Variants in ZNF638 observed in about 807,000 individuals in gnomAD.
The protein encoded by ZNF638 is CTCL tumor antigen se33-1.
Under a neutral mutation model 195.6 loss-of-function variants are expected in ZNF638, and 46 were observed. That is an observed-to-expected ratio of 0.24 (90% CI 0.19 to 0.30). The LOEUF is 0.30. ZNF638 is among the 10% of genes least tolerant of loss of function. ZNF638 has a pLI of 1.00. For synonymous variants in ZNF638, 845 were observed against 772.0 expected (o/e 1.09, Z -1.57); for missense variants, 2,440 against 2,325.3 (o/e 1.05, Z -1.01).
At chr2:71,393,681 C>T (rs750521005) in intron 10 of ZNF638, 14 of 710,318 alleles carry the variant, frequency 2.0e-5, no homozygotes, top group Non-Finnish European at 3.4e-5. Flanking sequence ...TTTTTATGCT[C>T]TCGCTTCCCC....
In ZNF638 at chr2:71,365,705, A is replaced by G; in HGVS notation, c.1994A>G (p.Lys665Arg). Residue 665 changes from lysine to arginine, a missense_variant and splice_region_variant, in exon 6 of 28, where the codon AAG (lysine) becomes AGG (arginine). Physicochemically the swap from Lys to Arg is conservative, Grantham distance 26 (BLOSUM62 2). This residue lies in a region of ZNF638 where 1,883 missense variants were observed against 1,739.1 expected (regional missense o/e 1.08). Transcript: ENST00000264447. ...VSDKAVSLQR[K>R]LRKEQSLHYG... is the part of the protein sequence containing the mutation. ...GATAAAGCTGTTTCTCTCCAGCGAA[A>G]GGTAATTCTTTAATTAATAATTATT... 6.2e-7 allele frequency: 1 copy of G among 1,602,552 alleles called. No individual in the cohort carries two copies. Among genetic ancestry groups the G allele is most frequent in the Non-Finnish European group, 8.5e-7 (1 of 1,175,692 alleles).
chr2:71,350,456 G>T (rs921563459), intron 2 of ZNF638, among the ~76,000 whole-genome samples, 185 bp downstream of exon 2: 5 of 152,204 alleles, frequency 3.3e-5, no homozygotes, highest in Admixed American at 6.5e-5. Context: ...TGAATTTTAG[G>T]CTTACTGTAT....
At chr2:71,433,110 C>A in intron 26 of ZNF638, 55 bp from the exon 27 acceptor site, 1 of 1,291,402 alleles carries the variant, frequency 7.7e-7, no homozygotes, top group Non-Finnish European at 1.1e-6. Flanking sequence ...AATCGATGAA[C>A]ACAACTGGAG....
At chr2:71,359,933 A>G (rs1268213200) in intron 3 of ZNF638, among the ~76,000 whole-genome samples, 1 of 152,188 alleles carries the variant, frequency 6.6e-6, no homozygotes, top group African/African-American at 2.4e-5. Flanking sequence ...ATAGGTAATT[A>G]TGCTGTGTTT....
chr2:71,405,547 A>G, intron 17 of ZNF638, 54 bp from the exon 18 acceptor site: 1 of 1,105,294 alleles, frequency 9.0e-7, no homozygotes, highest in South Asian at 1.4e-5. Context: ...CTAAGTAAGT[A>G]TTTGTATGAG....
Position 71,368,749 on chromosome 2 carries a change from T to C in ZNF638, c.2142+221T>C, listed in dbSNP as rs569139396. On this transcript the variant is annotated intron_variant, in intron 7 of 27. Transcript: ENST00000264447. ...TTCTGTAAAGGGCCAGCTAAATATT[T>C]TTGGTTTTATAAGCCATCTGTAGGA... is the stretch of plus-strand genomic sequence containing the variant. 2.5e-3 allele frequency among the ~76,000 whole-genome samples: 387 copies of C among 152,348 alleles called. 8 individuals carry two copies. Among genetic ancestry groups the C allele is most frequent in the East Asian group, 3.5e-3 (18 of 5,190 alleles).
At chr2:71,408,290 C>A in intron 20 of ZNF638, 43 bp downstream of exon 20, 1 of 1,594,818 alleles carries the variant, frequency 6.3e-7, no homozygotes, top group Non-Finnish European at 8.5e-7. Flanking sequence ...TTAGAAAATA[C>A]AGAGAACATA....
At chr2:71,424,304 A>G (rs2080490559) in intron 22 of ZNF638, among the ~76,000 whole-genome samples, 1 of 151,804 alleles carries the variant, frequency 6.6e-6, no homozygotes, top group Non-Finnish European at 1.5e-5. Context: ...AAAAAAAAAA[A>G]AAAAGTCTGC....
At chr2:71,364,794 T>A (rs2079166927) in intron 5 of ZNF638, among the ~76,000 whole-genome samples, 1 of 152,234 alleles carries the variant, frequency 6.6e-6, no homozygotes, top group Non-Finnish European at 1.5e-5. Flanking sequence ...ATACCTTTAA[T>A]TATATAAGGC....
Position 71,380,573 on chromosome 2 carries a change from G to T in ZNF638, c.2377+8G>T. 2 of 1,599,278 alleles carry T rather than the reference G, an allele frequency of 1.3e-6. No individual in the cohort carries two copies. Among genetic ancestry groups the T allele is most frequent in the Non-Finnish European group, 1.7e-6 (2 of 1,172,382 alleles). ...TTACTTCAACTTCTGCTGGTAAGTT[G>T]TTACTTTTAATATTCTTTCAAATGA... On this transcript the variant is annotated splice_region_variant and intron_variant, in intron 10 of 27. Transcript: ENST00000264447.
intron 26 of ZNF638, among the ~76,000 whole-genome samples, chr2:71,431,833 G>T (rs1223936459): frequency 6.6e-6 from 1 of 152,058 alleles, no homozygotes; most frequent in Non-Finnish European, 1.5e-5. Context: ...AACCTTGGCT[G>T]CATTGTCATT....
chr2:71,384,277 C>T (rs1052638686), intron 10 of ZNF638, among the ~76,000 whole-genome samples: 4 of 152,182 alleles, frequency 2.6e-5, no homozygotes, highest in African/African-American at 9.7e-5. Context: ...ATTCCATACT[C>T]TGCTTTATTA....
Position 71,427,430 on chromosome 2 carries a change from G to A in ZNF638, c.5545+16G>A. ...CACTTAACAGGTAGATACTTGGAAG[G>A]GGTAGTCTTTCTGTTTTATGAGGGG... On this transcript the variant is annotated intron_variant, in intron 24 of 27. Coordinates refer to ENST00000264447, the MANE Select transcript of ZNF638 (RefSeq NM_014497.5). 6.6e-7 allele frequency: 1 copy of A among 1,506,004 alleles called. No homozygotes were observed. Among genetic ancestry groups the A allele is most frequent in the Non-Finnish European group, 8.8e-7 (1 of 1,131,062 alleles). The allele number at this position is 1,506,004 out of a possible 1,614,324, so 93.3% of individuals were successfully genotyped here.
At position 71,423,274 on chromosome 2, in the gene ZNF638, A is replaced by G; in HGVS notation, c.3760A>G (p.Ile1254Val). 6.2e-7 allele frequency: 1 copy of G among 1,614,086 alleles called. No individual in the cohort carries two copies. ...PSEAEDFISG[I>V]TQTMVEAVAE... Reference sequence around the variant, plus strand: ...TGAAGCAGAAGATTTCATTTCTGGAATTACACAGACTATGGTAGAAGCTGT... The same window carrying G: ...TGAAGCAGAAGATTTCATTTCTGGAGTTACACAGACTATGGTAGAAGCTGT... Residue 1254 changes from isoleucine to valine, a missense_variant, in exon 22 of 28, where the codon ATT (isoleucine) becomes GTT (valine). Transcript: ENST00000264447.
intron 19 of ZNF638, chr2:71,407,487 A>G (rs553770203): frequency 6.6e-6 from 1 of 152,354 alleles, no homozygotes; most frequent in South Asian, 2.1e-4. Context: ...AAAGAAGAAT[A>G]TATTCCAAAC....
At position 71,349,913 on chromosome 2, in the gene ZNF638, G is replaced by A. The variant is rs1327099687; in HGVS notation, c.959G>A (p.Ser320Asn). 1 of 1,614,182 alleles carries A rather than the reference G, an allele frequency of 6.2e-7. No individual in the cohort carries two copies. The highest frequency in any genetic ancestry group is 8.5e-7 in the Non-Finnish European group (1 of 1,180,034). ...SVNQSINQTVSQTMSQSLIPP... is the reference protein window; with the variant it reads ...SVNQSINQTVNQTMSQSLIPP... ...AACCAATCCATTAACCAAACAGTTA[G>A]CCAGACAATGAGTCAATCTCTGATT... is the stretch of plus-strand genomic sequence containing the variant. The change falls in exon 2 of 28, where the codon AGC becomes AAC. Residue 320 changes from serine (S) to asparagine (N), a missense_variant. Physicochemically the swap from Ser to Asn is conservative, Grantham distance 46. Around this residue, in one of 5 missense-constraint regions of ZNF638, gnomAD observed 305 missense variants for 283.6 expected, o/e 1.08. Transcript: ENST00000264447.
chr2:71,368,558 A>G, intron 7 of ZNF638, 30 bp downstream of exon 7: 3 of 1,606,960 alleles, frequency 1.9e-6, no homozygotes, highest in Non-Finnish European at 2.5e-6. Context: ...GCAAAAATTC[A>G]TACAAAGTGA....
At chr2:71,401,770 G>C (rs374972171) in intron 15 of ZNF638, among the ~76,000 whole-genome samples, 186 bp from the exon 16 acceptor site, 221 of 152,114 alleles carry the variant, frequency 1.5e-3, no homozygotes, top group African/African-American at 5.0e-3. Context: ...CTCTTGAAGA[G>C]TGTAAATTTG....
intron 23 of ZNF638, 95 bp from the exon 24 acceptor site, chr2:71,426,365 C>T: frequency 1.1e-6 from 1 of 926,090 alleles, no homozygotes. Flanking sequence ...TGAAATTCTC[C>T]CAAATGATCT....
Sources: gnomAD v4.1 joint callset for allele counts (sites outside exome capture counted in the v4.1 genomes callset) on GRCh38, gnomAD v4.1.1 for gene constraint, gnomAD v4.1.1 regional missense constraint, MANE v1.5 for transcripts, NCBI Gene and HGNC (gene_info 2026-07-23, HGNC 2026-07-21) for gene names.